The following ULK4 variants were observed in gnomAD, a reference collection of about 807,000 sequenced individuals.
ULK4 encodes unc-51 like kinase 4.
ULK4 carries 133 observed loss-of-function variants against 160.6 expected under a neutral mutation model. That is an observed-to-expected ratio of 0.83 (90% confidence interval 0.72 to 0.96). The LOEUF (loss-of-function observed/expected upper bound fraction) is 0.96. ULK4 is among the 40% of genes least tolerant of loss of function. The pLI, the probability that ULK4 is intolerant of heterozygous loss-of-function variation, is 0.00. For synonymous variants in ULK4, 534 were observed against 539.8 expected, an observed-to-expected ratio of 0.99 and a Z score of 0.15; for missense variants, 1,580 against 1,499.5, an observed-to-expected ratio of 1.05 and a Z score of -0.89.
intron 35 of ULK4, among the ~76,000 whole-genome samples, chr3:41,322,843 A>C (rs1012874295): frequency 1.3e-5 from 2 of 152,228 alleles, no homozygotes; most frequent in Non-Finnish European, 2.9e-5. Context: ...GGTGAGAACA[A>C]GGCATATTGT....
intron 35 of ULK4, among the ~76,000 whole-genome samples, chr3:41,351,166 C>T (rs906055759): frequency 1.1e-4 from 17 of 152,142 alleles, no homozygotes; most frequent in Admixed American, 2.6e-4. Flanking sequence ...CTGGGTAGCA[C>T]AGAACTTTAC....
chr3:41,306,278 G>T (rs2079930894), intron 35 of ULK4, among the ~76,000 whole-genome samples: 3 of 121,516 alleles, frequency 2.5e-5, no homozygotes, highest in African/African-American at 4.1e-5. Flanking sequence ...GGGCGCCTCT[G>T]CCCGGCCGCC....
chr3:41,861,738 C>T (rs1360950419), intron 17 of ULK4, among the ~76,000 whole-genome samples: 7 of 152,150 alleles, frequency 4.6e-5, no homozygotes, highest in Non-Finnish European at 7.3e-5. Context: ...CTTTTTACCT[C>T]TATCTTTCTC....
intron 33 of ULK4, among the ~76,000 whole-genome samples, chr3:41,460,912 TAC>T (rs963880529): frequency 6.6e-6 from 1 of 152,102 alleles, no homozygotes; most frequent in African/African-American, 2.4e-5. Flanking sequence ...TGCCCGAGGT[TAC>T]AGAGGTGGGG....
intron 34 of ULK4, among the ~76,000 whole-genome samples, chr3:41,425,953 C>T (rs2082767768): frequency 6.6e-6 from 1 of 152,056 alleles, no homozygotes; most frequent in African/African-American, 2.4e-5. Context: ...TGTAAAACAG[C>T]ATAAATGCCC....
chr3:41,277,779 C>T (rs777328740), intron 35 of ULK4: 5 of 152,212 alleles, frequency 3.3e-5, no homozygotes, highest in South Asian at 2.1e-4. Flanking sequence ...TAAACTGTCA[C>T]TGTTTGCTGA....
intron 30 of ULK4, among the ~76,000 whole-genome samples, chr3:41,645,564 T>C (rs2034447338): frequency 6.6e-6 from 1 of 152,138 alleles, no homozygotes; most frequent in Non-Finnish European, 1.5e-5. Context: ...AGACAGTTTG[T>C]TATAATTTCT....
At chr3:41,760,732 C>G (rs2038957630) in intron 21 of ULK4, among the ~76,000 whole-genome samples, 1 of 152,152 alleles carries the variant, frequency 6.6e-6, no homozygotes, top group Non-Finnish European at 1.5e-5. Context: ...CCCAAGATTT[C>G]TCATTATTTA....
intron 27 of ULK4, among the ~76,000 whole-genome samples, chr3:41,696,348 T>C (rs993135834): frequency 6.6e-6 from 1 of 152,168 alleles, no homozygotes. Context: ...GCAGAAATAA[T>C]GGTGTAAGCT....
chr3:41,460,812 A>C (rs1388594841), intron 33 of ULK4, among the ~76,000 whole-genome samples: 1 of 152,106 alleles, frequency 6.6e-6, no homozygotes, highest in East Asian at 1.9e-4. Flanking sequence ...TATATATTTT[A>C]TTCTCCCATT....
chr3:41,341,482 T>C (rs2080683879), intron 35 of ULK4, among the ~76,000 whole-genome samples: 1 of 152,156 alleles, frequency 6.6e-6, no homozygotes, highest in Non-Finnish European at 1.5e-5. Flanking sequence ...TTTTGAATGG[T>C]TGGGTTTGGA....
chr3:41,600,908 G>A (rs2032019680), intron 31 of ULK4, among the ~76,000 whole-genome samples: 1 of 152,188 alleles, frequency 6.6e-6, no homozygotes, highest in South Asian at 2.1e-4. Context: ...CAAGGAAACA[G>A]AGGTAGCTCT....
At chr3:41,942,594 G>C (rs13071018) in intron 2 of ULK4, among the ~76,000 whole-genome samples, 31,015 of 152,044 alleles carry the variant, frequency 0.2, 3,779 homozygotes, top group South Asian at 0.31. Flanking sequence ...AAGGCAGGTG[G>C]ATCACCTGAG....
chr3:41,578,208 T>C (rs1314242574), intron 31 of ULK4, among the ~76,000 whole-genome samples: 1 of 152,308 alleles, frequency 6.6e-6, no homozygotes, highest in East Asian at 1.9e-4. Flanking sequence ...TAGAATATTC[T>C]AAGGAAGTAA....
At chr3:41,741,191 A>G (rs1334296416) in intron 22 of ULK4, among the ~76,000 whole-genome samples, 7 of 151,908 alleles carry the variant, frequency 4.6e-5, no homozygotes, top group Non-Finnish European at 1.0e-4. Flanking sequence ...TTATTACAAC[A>G]GCCTAAAAAT....
chr3:41,715,302 TGA>T lies in ULK4; in HGVS notation c.2578-11_2578-10del. On this transcript the variant is annotated splice_polypyrimidine_tract_variant and intron_variant, in intron 24 of 36. Transcript: ENST00000301831. Reference sequence around the variant, plus strand: ...ACTTGAGGTCGAAATACCTGTGTGATGAGAGTTTCTACAGATTAAATTCTGGA... The same window carrying T: ...ACTTGAGGTCGAAATACCTGTGTGATGAGTTTCTACAGATTAAATTCTGGA... 1.2e-6 allele frequency: 2 copies of T among 1,613,848 alleles called. No individual in the cohort carries two copies. The highest frequency in any genetic ancestry group is 1.7e-6 in the Non-Finnish European group (2 of 1,179,942).
chr3:41,457,602 G>A (rs1483896695), intron 33 of ULK4, among the ~76,000 whole-genome samples: 2 of 152,186 alleles, frequency 1.3e-5, no homozygotes, highest in Non-Finnish European at 2.9e-5. Context: ...GAAGCCCCCA[G>A]AATCAAATGC....
chr3:41,577,615 C>A (rs1297662272), intron 31 of ULK4, among the ~76,000 whole-genome samples: 1 of 152,098 alleles, frequency 6.6e-6, no homozygotes, highest in Non-Finnish European at 1.5e-5. Context: ...CTCCAACCTC[C>A]CACTACCCTT....
rs147194297 is a variant in ULK4 at position 41,913,906 on chromosome 3, T to C, written c.804-1007A>G. 8.2e-3 allele frequency among the ~76,000 whole-genome samples: 1,247 copies of C among 152,202 alleles called. 12 individuals carry two copies. Among genetic ancestry groups the C allele is most frequent in the African/African-American group, 0.029 (1,200 of 41,504 alleles). ...TGAGCCTGGGAGGGAGAGGTTGCAG[T>C]GAGCCAAGATCACACCACTGCACTC... On this transcript the variant is annotated intron_variant, in intron 8 of 36. Coordinates refer to ENST00000301831, the MANE Select transcript of ULK4 (RefSeq NM_017886.4).
Sources: allele counts gnomAD v4.1 joint callset (sites outside exome capture counted in the v4.1 genomes callset), GRCh38; gene constraint gnomAD v4.1.1; transcripts MANE v1.5; gene names NCBI Gene and HGNC (gene_info 2026-07-23, HGNC 2026-07-21).